LRRC4C: variants seen among roughly 807,000 people sequenced by gnomAD.
LRRC4C encodes the protein leucine rich repeat containing 4C.
LRRC4C carries 5 observed loss-of-function variants against 33.6 expected under a neutral mutation model. The observed-to-expected ratio is 0.15, with a 90% CI of 0.08 to 0.31. The LOEUF (loss-of-function observed/expected upper bound fraction) is 0.31, where lower values mean the gene tolerates loss of function less well. LRRC4C is among the 10% of genes least tolerant of loss of function. LRRC4C has a pLI of 1.00. For synonymous variants in LRRC4C, 329 were observed against 302.0 expected, an observed-to-expected ratio of 1.09 and a Z score of -0.93; for missense variants, 560 against 796.7, an observed-to-expected ratio of 0.70 and a Z score of 3.58.
Position 40,304,911 on chromosome 11 carries a change from C to T in LRRC4C, c.-176+14717G>A, listed in dbSNP as rs567502520. On this transcript the variant is annotated intron_variant, in intron 4 of 6. Transcript: ENST00000528697. Reference sequence around the variant, plus strand: ...TCCCAAGTAGCTAGGATTACAGGTGCGTGCCACCATGTCCAGCTAATTTTT... The same window carrying T: ...TCCCAAGTAGCTAGGATTACAGGTGTGTGCCACCATGTCCAGCTAATTTTT... Among the ~76,000 whole-genome samples the T allele has an allele frequency of 3.3e-5, 5 of 152,150 alleles. No homozygotes were observed. In the South Asian group the frequency reaches 6.2e-4, roughly 19 times the overall value.
intron 5 of LRRC4C, among the ~76,000 whole-genome samples, chr11:40,151,014 T>C (rs776002890): frequency 3.3e-5 from 5 of 152,186 alleles, no homozygotes; most frequent in Non-Finnish European, 1.5e-5. Context: ...CCCACTGCCA[T>C]GCTCCATATG....
chr11:40,225,394 A>G (rs1864713189), intron 5 of LRRC4C, among the ~76,000 whole-genome samples: 1 of 152,142 alleles, frequency 6.6e-6, no homozygotes, highest in African/African-American at 2.4e-5. Flanking sequence ...CTTAAGTTCT[A>G]TTGTCCTCAT....
rs201779723 is a variant in LRRC4C, at chr11:40,451,965, G to A, written c.-269-132244C>T. 4.8e-4 allele frequency among the ~76,000 whole-genome samples: 73 copies of A among 152,202 alleles called. No homozygotes were observed. The East Asian group carries it at 0.014, about 29-fold the overall frequency. On this transcript the variant is annotated intron_variant, in intron 3 of 6. Transcript: ENST00000528697. ...TGCAGGACAGTGGGTGCAGCACACAGAGCTTGAGCGTGAGCCAAAGCAGGG... is the reference window on the plus strand; with the variant it reads ...TGCAGGACAGTGGGTGCAGCACACAAAGCTTGAGCGTGAGCCAAAGCAGGG...
intron 1 of LRRC4C, among the ~76,000 whole-genome samples, chr11:41,425,730 C>T (rs1223199463): frequency 6.6e-6 from 1 of 152,038 alleles, no homozygotes; most frequent in Non-Finnish European, 1.5e-5. Context: ...ATTCTAGTAT[C>T]ATAACGAAGG....
At chr11:41,395,876 T>C in intron 1 of LRRC4C, among the ~76,000 whole-genome samples, 1 of 152,042 alleles carries the variant, frequency 6.6e-6, no homozygotes, top group East Asian at 1.9e-4. Context: ...TTTTTGTGAA[T>C]CTCAGGGAAC....
intron 1 of LRRC4C, among the ~76,000 whole-genome samples, chr11:41,111,466 T>C (rs1941827411): frequency 6.6e-6 from 1 of 152,070 alleles, no homozygotes; most frequent in African/African-American, 2.4e-5. Context: ...TAAAGTATAT[T>C]AAACTATTAA....
chr11:40,205,591 T>TCATATTCA (rs1490618249), intron 5 of LRRC4C, among the ~76,000 whole-genome samples: 10 of 152,168 alleles, frequency 6.6e-5, no homozygotes, highest in African/African-American at 2.4e-4. Flanking sequence ...CTATATATAC[T>TCATATTCA]CATATTCACC....
At chr11:41,452,130 G>A (rs1407086878) in intron 1 of LRRC4C, among the ~76,000 whole-genome samples, 1 of 152,020 alleles carries the variant, frequency 6.6e-6, no homozygotes, top group East Asian at 1.9e-4. Context: ...TCCATTTGGA[G>A]TATCTACTGG....
chr11:41,036,686 A>G (rs1857093028), intron 1 of LRRC4C, among the ~76,000 whole-genome samples: 1 of 152,230 alleles, frequency 6.6e-6, no homozygotes, highest in Non-Finnish European at 1.5e-5. Flanking sequence ...AATTAAATAC[A>G]AATATAAAAT....
chr11:41,145,209 A>G (rs758834964), intron 1 of LRRC4C, among the ~76,000 whole-genome samples: 11 of 152,192 alleles, frequency 7.2e-5, no homozygotes, highest in Non-Finnish European at 1.3e-4. Flanking sequence ...ACAAACTTAT[A>G]CACTTTTGTC....
intron 2 of LRRC4C, among the ~76,000 whole-genome samples, chr11:40,913,751 T>A (rs892454078): frequency 6.6e-6 from 1 of 151,994 alleles, no homozygotes; most frequent in Non-Finnish European, 1.5e-5. Flanking sequence ...AAATCAGTGA[T>A]TCCAGGAGCT....
At chr11:40,450,873 G>T (rs546079774) in intron 3 of LRRC4C, among the ~76,000 whole-genome samples, 1 of 150,908 alleles carries the variant, frequency 6.6e-6, no homozygotes, top group East Asian at 1.9e-4. Flanking sequence ...TTGGAAATTC[G>T]CAAACATGTG....
intron 1 of LRRC4C, among the ~76,000 whole-genome samples, chr11:41,390,230 A>G (rs1953535785): frequency 6.6e-6 from 1 of 151,840 alleles, no homozygotes; most frequent in African/African-American, 2.4e-5. Context: ...TCTCTTTAAA[A>G]CAAAACAAAA....
chr11:40,230,015 A>C (rs1565162305), intron 5 of LRRC4C, among the ~76,000 whole-genome samples: 1 of 152,184 alleles, frequency 6.6e-6, no homozygotes, highest in Non-Finnish European at 1.5e-5. Flanking sequence ...CGTGAACATA[A>C]ACTGCAGTAC....
chr11:41,157,596 A>T (rs1048596439), intron 1 of LRRC4C, among the ~76,000 whole-genome samples: 1 of 152,164 alleles, frequency 6.6e-6, no homozygotes, highest in Non-Finnish European at 1.5e-5. Context: ...AAGTCCACAT[A>T]CCTTGCAAAA....
At chr11:40,277,903 T>C (rs564991896) in intron 4 of LRRC4C, among the ~76,000 whole-genome samples, 3 of 152,256 alleles carry the variant, frequency 2.0e-5, no homozygotes, top group Middle Eastern at 3.4e-3. Context: ...AGATAAAATA[T>C]ATAAAATAAC....
At chr11:40,623,525 G>C in intron 3 of LRRC4C, among the ~76,000 whole-genome samples, 1 of 151,974 alleles carries the variant, frequency 6.6e-6, no homozygotes, top group East Asian at 1.9e-4. Context: ...AAAGTAACTA[G>C]TAGGATCTAT....
intron 1 of LRRC4C, among the ~76,000 whole-genome samples, chr11:41,416,996 G>A (rs1954707568): frequency 6.6e-6 from 1 of 151,968 alleles, no homozygotes; most frequent in Admixed American, 6.6e-5. Flanking sequence ...CAGATGGAAA[G>A]CATTTTGGCA....
At chr11:40,279,628 C>T (rs535418689) in intron 4 of LRRC4C, among the ~76,000 whole-genome samples, 13 of 152,276 alleles carry the variant, frequency 8.5e-5, no homozygotes, top group Admixed American at 5.9e-4. Context: ...TCACTACAAT[C>T]CTGCATTATA....
Sources: allele counts gnomAD v4.1 joint callset (sites outside exome capture counted in the v4.1 genomes callset), GRCh38; gene constraint gnomAD v4.1.1; transcripts MANE v1.5; gene names NCBI Gene and HGNC (gene_info 2026-07-23, HGNC 2026-07-21).